The following PPP2R2B variants were observed in gnomAD, a reference collection of about 807,000 sequenced individuals.
PPP2R2B encodes serine/threonine-protein phosphatase 2A 55 kDa regulatory subunit B beta isoform.
Under a neutral mutation model 46.0 loss-of-function variants are expected in PPP2R2B, and 5 were observed. The observed-to-expected ratio is 0.11, with a 90% CI of 0.06 to 0.23. PPP2R2B has a LOEUF of 0.23. PPP2R2B is among the 10% of genes least tolerant of loss of function. The pLI, the probability that PPP2R2B is intolerant of heterozygous loss-of-function variation, is 1.00. For missense variants in PPP2R2B, 367 were observed against 575.0 expected (o/e 0.64, Z 3.70); for synonymous variants, 215 against 206.7 (o/e 1.04, Z -0.34).
chr5:146,749,296 T>G (rs1258588108), intron 2 of PPP2R2B, among the ~76,000 whole-genome samples: 1 of 152,238 alleles, frequency 6.6e-6, no homozygotes, highest in Admixed American at 6.5e-5. Context: ...GTAACTAGTC[T>G]TTGTCCGACA....
At chr5:146,857,536 CAG>C (rs1420770655) in intron 2 of PPP2R2B, among the ~76,000 whole-genome samples, 1 of 152,102 alleles carries the variant, frequency 6.6e-6, no homozygotes, top group African/African-American at 2.4e-5. Context: ...TCCAACCTAA[CAG>C]ATTATTTAAA....
chr5:147,071,547 AAACATACCAGAT>A (rs1757599563), intron 2 of PPP2R2B, among the ~76,000 whole-genome samples: 1 of 152,130 alleles, frequency 6.6e-6, no homozygotes, highest in South Asian at 2.1e-4. Context: ...TCCAGTCCTT[AAACATACCAGAT>A]AAGCCCTTGC....
intron 5 of PPP2R2B, among the ~76,000 whole-genome samples, chr5:146,680,089 T>C (rs1430694724): frequency 3.3e-5 from 5 of 151,724 alleles, no homozygotes; most frequent in African/African-American, 9.7e-5. Flanking sequence ...TAAAGACACA[T>C]GCACACTTAT....
chr5:146,614,278 T>C (rs1475704324), intron 7 of PPP2R2B, among the ~76,000 whole-genome samples: 1 of 106,296 alleles, frequency 9.4e-6, no homozygotes, highest in Non-Finnish European at 1.7e-5. Flanking sequence ...TAAATGGTAC[T>C]GGGAAAACTG....
intron 6 of PPP2R2B, among the ~76,000 whole-genome samples, chr5:146,648,519 A>G (rs1194484251): frequency 1.3e-5 from 2 of 152,166 alleles, no homozygotes. Flanking sequence ...AGGTTCAATA[A>G]TTTTCTGTAT....
chr5:146,707,546 G>T, intron 2 of PPP2R2B: 2 of 721,566 alleles, frequency 2.8e-6, no homozygotes. Context: ...GCTGCAGAAG[G>T]CCCGGGTGCC....
chr5:146,599,217 C>G (rs1456480381), intron 8 of PPP2R2B, among the ~76,000 whole-genome samples: 1 of 152,122 alleles, frequency 6.6e-6, no homozygotes, highest in East Asian at 1.9e-4. Flanking sequence ...TGTTTCCTTG[C>G]ATTTACACCA....
chr5:146,881,558 T>C (rs1296450036), upstream of PPP2R2B, among the ~76,000 whole-genome samples: 1 of 152,032 alleles, frequency 6.6e-6, no homozygotes, highest in Non-Finnish European at 1.5e-5. Context: ...GACTAAGACA[T>C]GGACCACCAC....
chr5:146,632,039 C>T (rs906901411), intron 7 of PPP2R2B, among the ~76,000 whole-genome samples: 1 of 151,594 alleles, frequency 6.6e-6, no homozygotes, highest in Non-Finnish European at 1.5e-5. Context: ...TATGTCTTTC[C>T]TCCTACTATG....
At chr5:146,902,843 T>C (rs937237126) in intron 1 of PPP2R2B, among the ~76,000 whole-genome samples, 5 of 152,212 alleles carry the variant, frequency 3.3e-5, no homozygotes, top group African/African-American at 1.2e-4. Context: ...CTGGAATCAG[T>C]TTATTTCTAA....
intron 7 of PPP2R2B, among the ~76,000 whole-genome samples, chr5:146,609,079 A>G (rs929527810): frequency 6.6e-5 from 10 of 152,236 alleles, no homozygotes; most frequent in African/African-American, 2.4e-4. Context: ...ATTCATCATG[A>G]CCAAGTGGAA....
chr5:146,877,823 G>A (rs1180668676), intron 2 of PPP2R2B, among the ~76,000 whole-genome samples, 179 bp downstream of exon 2: 1 of 152,180 alleles, frequency 6.6e-6, no homozygotes, highest in African/African-American at 2.4e-5. Flanking sequence ...CGCCGAGCTC[G>A]CCTCGCGGAG....
At position 146,728,868 on chromosome 5, in the gene PPP2R2B, A is replaced by G. The variant is rs147887795; in HGVS notation, c.71-27726T>C. On this transcript the variant is annotated intron_variant, in intron 2 of 9. Coordinates refer to ENST00000394411, the MANE Select transcript of PPP2R2B (RefSeq NM_181675.4). ...TGTGGAACCATATAAGTCCAATTAA[A>G]CCTCTTTTTATTTCCAGTCTCAGGT... Among the ~76,000 whole-genome samples, 1,329 of 152,132 alleles carry G rather than the reference A, an allele frequency of 8.7e-3. 25 individuals carry two copies. Among genetic ancestry groups the G allele is most frequent in the African/African-American group, 0.031 (1,277 of 41,476 alleles).
At chr5:146,748,881 A>AT (rs750638657) in intron 2 of PPP2R2B, among the ~76,000 whole-genome samples, 13 of 152,028 alleles carry the variant, frequency 8.6e-5, no homozygotes, top group South Asian at 4.2e-4. Flanking sequence ...GTGCACATAC[A>AT]TTTTTTTTAT....
intron 1 of PPP2R2B, among the ~76,000 whole-genome samples, chr5:146,948,032 A>G (rs1363309413): frequency 1.3e-5 from 2 of 151,672 alleles, no homozygotes; most frequent in Admixed American, 6.6e-5. Flanking sequence ...CTTCATTCAT[A>G]TTTTTCCCCT....
At chr5:146,995,538 A>T (rs1753886738) in intron 1 of PPP2R2B, among the ~76,000 whole-genome samples, 1 of 152,128 alleles carries the variant, frequency 6.6e-6, no homozygotes, top group South Asian at 2.1e-4. Context: ...AAATAGTAAT[A>T]CTCTGCCAAA....
At chr5:146,599,641 G>C (rs1771582795) in intron 8 of PPP2R2B, among the ~76,000 whole-genome samples, 1 of 152,126 alleles carries the variant, frequency 6.6e-6, no homozygotes, top group Admixed American at 6.5e-5. Flanking sequence ...CCAGGCCTTT[G>C]AACACACTGT....
At chr5:147,016,954 C>A (rs1164027050) in intron 1 of PPP2R2B, among the ~76,000 whole-genome samples, 1 of 151,512 alleles carries the variant, frequency 6.6e-6, no homozygotes, top group African/African-American at 2.4e-5. Flanking sequence ...TGCTCTAGAG[C>A]TCCATTTTGC....
At chr5:146,901,022 C>A (rs955215067) in intron 1 of PPP2R2B, among the ~76,000 whole-genome samples, 5 of 152,074 alleles carry the variant, frequency 3.3e-5, no homozygotes, top group African/African-American at 1.2e-4. Context: ...TTTCTTTATC[C>A]AGTCTGTCAT....
Sources: gnomAD v4.1 joint callset for allele counts (sites outside exome capture counted in the v4.1 genomes callset) on GRCh38, gnomAD v4.1.1 for gene constraint, MANE v1.5 for transcripts, NCBI Gene and HGNC (gene_info 2026-07-23, HGNC 2026-07-21) for gene names.